The following ARMC2 variants were observed in gnomAD, a reference collection of about 807,000 sequenced individuals.
ARMC2 encodes the protein armadillo repeat containing 2.
ARMC2 carries 67 observed loss-of-function variants against 90.3 expected under a neutral mutation model. The ratio of observed to expected loss-of-function variants is 0.74; its 90% CI spans 0.61 to 0.91. The LOEUF (loss-of-function observed/expected upper bound fraction) is 0.91. Among genes scored for constraint, ARMC2 ranks in the 40% least tolerant of loss-of-function variants. The pLI is 0.00. For missense variants in ARMC2, 920 were observed against 1,030.9 expected, an observed-to-expected ratio of 0.89 and a Z score of 1.47; for synonymous variants, 393 against 393.0, an observed-to-expected ratio of 1.00 and a Z score of 0.00.
intron 13 of ARMC2, among the ~76,000 whole-genome samples, chr6:108,958,141 A>T (rs1777724254): frequency 6.6e-6 from 1 of 152,178 alleles, no homozygotes; most frequent in Non-Finnish European, 1.5e-5. Flanking sequence ...AGATAAGGCC[A>T]TGATGTGGGG....
At chr6:108,880,920 A>G (rs779800225) in intron 5 of ARMC2, among the ~76,000 whole-genome samples, 6 of 151,426 alleles carry the variant, frequency 4.0e-5, no homozygotes, top group Non-Finnish European at 8.8e-5. Context: ...CAGTGGCACA[A>G]TCTTGGCTCA....
chr6:109,006,072 T>TAGCAGC, the ARMC2 span, among the ~76,000 whole-genome samples: 1 of 152,240 alleles, frequency 6.6e-6, no homozygotes, highest in African/African-American at 2.4e-5. Flanking sequence ...TAAATAGCAA[T>TAGCAGC]AGCAGCAGCA....
chr6:108,894,438 G>A, intron 5 of ARMC2, 29 bp from the exon 6 acceptor site: 1 of 1,577,314 alleles, frequency 6.3e-7, no homozygotes, highest in Non-Finnish European at 8.6e-7. Flanking sequence ...TTTCATGTTT[G>A]CGCTGAGTGT....
At chr6:108,945,746 T>C (rs1403626093) in intron 12 of ARMC2, among the ~76,000 whole-genome samples, 1 of 152,272 alleles carries the variant, frequency 6.6e-6, no homozygotes, top group Non-Finnish European at 1.5e-5. Context: ...CTGAACAGTG[T>C]GGGCTGAAAG....
chr6:108,988,431 T>C, the ARMC2 span: 3 of 908,488 alleles, frequency 3.3e-6, no homozygotes, highest in East Asian at 2.7e-5. Context: ...TGGAATGTTT[T>C]TCTTTGGGTT....
chr6:109,035,887 C>T, the ARMC2 span, among the ~76,000 whole-genome samples: 1,198 of 152,316 alleles, frequency 7.9e-3, 21 homozygotes, highest in African/African-American at 0.028. Flanking sequence ...GGATTACAGA[C>T]GTGACCACTG....
At chr6:108,939,339 TG>T (rs1776249355) in intron 12 of ARMC2, among the ~76,000 whole-genome samples, 1 of 152,054 alleles carries the variant, frequency 6.6e-6, no homozygotes, top group Non-Finnish European at 1.5e-5. Flanking sequence ...GGATTGGAGG[TG>T]GGGCCTGGTG....
the ARMC2 span, among the ~76,000 whole-genome samples, chr6:108,987,948 G>A: frequency 6.6e-6 from 1 of 151,880 alleles, no homozygotes; most frequent in African/African-American, 2.4e-5. Context: ...GAATACAGGT[G>A]CATGCCACTA....
At chr6:109,002,253 C>T in the ARMC2 span, 1 of 1,602,348 alleles carries the variant, frequency 6.2e-7, no homozygotes, top group Non-Finnish European at 8.6e-7. Context: ...ATACAGTTCA[C>T]TATGTACTTT....
chr6:108,857,317 G>A (rs1371073097), intron 2 of ARMC2, among the ~76,000 whole-genome samples: 3 of 152,018 alleles, frequency 2.0e-5, no homozygotes, highest in East Asian at 1.9e-4. Flanking sequence ...TTTAGTTTTT[G>A]GAGTGCTAAT....
Position 108,964,193 on chromosome 6 carries a change from G to A in ARMC2, c.2166G>A (p.Met722Ile). Reference protein sequence around the residue: ...FIVQNNVHRFMMALLDAQHQD... With the variant: ...FIVQNNVHRFIMALLDAQHQD... ...CTTCCCTCGTAGTCCACAGGTTCAT[G>A]ATGGCGCTGCTGGATGCTCAGCATC... is the stretch of plus-strand genomic sequence containing the variant. Residue 722 changes from methionine to isoleucine, a missense_variant, in exon 16 of 18, where the codon ATG (methionine) becomes ATA (isoleucine). Met to Ile is a conservative substitution (Grantham distance 10). Coordinates refer to ENST00000392644, the MANE Select transcript of ARMC2 (RefSeq NM_032131.6). The A allele has an allele frequency of 1.2e-6, 2 of 1,613,830 alleles. No individual in the cohort carries two copies. The highest frequency in any genetic ancestry group is 1.7e-6 in the Non-Finnish European group (2 of 1,179,820).
chr6:108,877,268 T>G (rs1777031052), intron 5 of ARMC2, among the ~76,000 whole-genome samples: 1 of 152,222 alleles, frequency 6.6e-6, no homozygotes, highest in Admixed American at 6.5e-5. Context: ...AGATTTCGGG[T>G]CTGACTTTGG....
the ARMC2 span, chr6:108,998,418 C>G: frequency 1.0e-5 from 15 of 1,464,512 alleles, no homozygotes; most frequent in Non-Finnish European, 1.2e-5. Context: ...ACAGTCTTAA[C>G]AGGGTGGGTT....
At chr6:108,973,304 T>G (rs1778884651) in intron 17 of ARMC2, 53 bp from the exon 18 acceptor site, 14 of 1,474,490 alleles carry the variant, frequency 9.5e-6, no homozygotes, top group Non-Finnish European at 1.3e-5. Flanking sequence ...TAAACTATAT[T>G]CAATAGGATT....
the ARMC2 span, among the ~76,000 whole-genome samples, chr6:109,011,503 A>G: frequency 2.0e-5 from 3 of 152,136 alleles, no homozygotes; most frequent in African/African-American, 7.2e-5. Flanking sequence ...AAAGAGTACT[A>G]ATTTCTTGTT....
At chr6:108,988,726 G>A in the ARMC2 span, 6 of 1,501,378 alleles carry the variant, frequency 4.0e-6, no homozygotes, top group African/African-American at 1.4e-5. Flanking sequence ...TATTTTCAGT[G>A]TATAACCTGT....
chr6:108,952,254 C>A lies in ARMC2; in HGVS notation c.1597-779C>A, dbSNP rs970112142. Among the ~76,000 whole-genome samples, 3 of 152,118 alleles carry A rather than the reference C, an allele frequency of 2.0e-5. No individual in the cohort carries two copies. In the South Asian group the frequency reaches 6.2e-4, roughly 32 times the overall value. On this transcript the variant is annotated intron_variant, in intron 12 of 17. Coordinates refer to ENST00000392644, the MANE Select transcript of ARMC2 (RefSeq NM_032131.6). ...ACTAAAAACACAGTGATTTTTGTATCTTGTTTAGTTTTAAAATGTTCCCAG... is the reference window on the plus strand; with the variant it reads ...ACTAAAAACACAGTGATTTTTGTATATTGTTTAGTTTTAAAATGTTCCCAG...
chr6:108,919,320 T>C (rs1774306137), intron 10 of ARMC2, among the ~76,000 whole-genome samples: 1 of 152,234 alleles, frequency 6.6e-6, no homozygotes, highest in Non-Finnish European at 1.5e-5. Flanking sequence ...TGTGTACTTA[T>C]GCTGGAAATT....
rs991479962 is a variant in ARMC2, at chr6:108,890,216, A to C, written c.672-4251A>C. Reference sequence around the variant, plus strand: ...AAAAAAAAAAAAAAAAAAAAAAAAAAAAAAAAAAAAAAACAGTGGTTTCTT... The same window carrying C: ...AAAAAAAAAAAAAAAAAAAAAAAAACAAAAAAAAAAAAACAGTGGTTTCTT... On this transcript the variant is annotated intron_variant, in intron 5 of 17. Transcript: ENST00000392644. 3.5e-4 allele frequency among the ~76,000 whole-genome samples: 43 copies of C among 121,478 alleles called. 1 individual carries two copies. Among genetic ancestry groups the C allele is most frequent in the East Asian group, 8.9e-4 (4 of 4,470 alleles). The allele number at this position is 121,478 out of a possible 152,430, so 79.7% of individuals were successfully genotyped here. A position where few individuals can be genotyped will look rare whatever the true frequency, so the allele number is the denominator to read the frequency against.
Sources: gnomAD v4.1 joint callset for allele counts (sites outside exome capture counted in the v4.1 genomes callset) on GRCh38, gnomAD v4.1.1 for gene constraint, MANE v1.5 for transcripts, NCBI Gene and HGNC (gene_info 2026-07-23, HGNC 2026-07-21) for gene names.